The following DNAH11 variants were observed in gnomAD, a reference collection of about 807,000 sequenced individuals.
The protein encoded by DNAH11 is axonemal beta dynein heavy chain 11.
A neutral mutation model predicts 526.0 loss-of-function variants in DNAH11; 442 were observed. The observed-to-expected ratio is 0.84, with a 90% CI of 0.78 to 0.91. DNAH11 has a LOEUF of 0.91. Ranked by LOEUF, DNAH11 falls within the 40% of genes least tolerant of loss-of-function variation. The pLI, the probability that DNAH11 is intolerant of heterozygous loss-of-function variation, is 0.00. For missense variants in DNAH11, 6,989 were observed against 5,448.7 expected (o/e 1.28, Z -8.90); for synonymous variants, 2,461 against 1,935.9 (o/e 1.27, Z -7.12).
In DNAH11 at chr7:21,742,029, C is replaced by G. The variant is rs774586962; in HGVS notation, c.8017C>G (p.Pro2673Ala). 3 of 1,613,940 alleles carry G rather than the reference C, an allele frequency of 1.9e-6. No individual in the cohort carries two copies. Among genetic ancestry groups the G allele is most frequent in the Non-Finnish European group, 2.5e-6 (3 of 1,179,874 alleles). ...SFHFQQQAFA[P>A]SILRSGPTLI... is the part of the protein sequence containing the mutation. The stretch of plus-strand genomic sequence containing the variant: ...CCATTTCCAACAGCAAGCATTTGCT[C>G]CATCAATTCTCAGGAGTGGCCCCAC... Residue 2673 changes from proline (P) to alanine (A), a missense_variant, in exon 49 of 82, where the codon CCA becomes GCA. Coordinates refer to ENST00000409508, the MANE Select transcript of DNAH11 (RefSeq NM_001277115.2).
intron 35 of DNAH11, among the ~76,000 whole-genome samples, chr7:21,696,341 T>C (rs1197501821): frequency 6.6e-6 from 1 of 152,212 alleles, no homozygotes; most frequent in African/African-American, 2.4e-5. Context: ...GTTGGTAATA[T>C]GAAATGAGTG....
chr7:21,620,082 A>G lies in DNAH11; in HGVS notation c.4500+4A>G. 6.4e-7 allele frequency: 1 copy of G among 1,572,182 alleles called. No individual in the cohort carries two copies. Among genetic ancestry groups the G allele is most frequent in the Non-Finnish European group, 8.6e-7 (1 of 1,163,282 alleles). ...TGAAACTCTAGAGCACAACCAAGTAAGATGGATATTTTTATTGCATATATT... is the reference window on the plus strand; with the variant it reads ...TGAAACTCTAGAGCACAACCAAGTAGGATGGATATTTTTATTGCATATATT... On this transcript the variant is annotated splice_donor_region_variant and intron_variant, in intron 25 of 81. Coordinates refer to ENST00000409508, the MANE Select transcript of DNAH11 (RefSeq NM_001277115.2).
intron 30 of DNAH11, among the ~76,000 whole-genome samples, chr7:21,669,915 T>C (rs1782577979): frequency 6.6e-6 from 1 of 152,156 alleles, no homozygotes. Context: ...GCCAAATCCA[T>C]CTTTCTTAAT....
At chr7:21,714,581 T>C (rs1020934572) in intron 42 of DNAH11, among the ~76,000 whole-genome samples, 1 of 152,168 alleles carries the variant, frequency 6.6e-6, no homozygotes, top group African/African-American at 2.4e-5. Flanking sequence ...GAGATAGACA[T>C]AATTATTAAC....
chr7:21,654,087 T>C (rs1277120773), intron 28 of DNAH11, among the ~76,000 whole-genome samples: 5 of 152,184 alleles, frequency 3.3e-5, no homozygotes, highest in Non-Finnish European at 7.3e-5. Context: ...TTTATTTTTT[T>C]CTGTTGAGGT....
intron 65 of DNAH11, among the ~76,000 whole-genome samples, chr7:21,839,912 G>C (rs140149809): frequency 1.2e-3 from 182 of 152,158 alleles, no homozygotes; most frequent in Non-Finnish European, 2.3e-3. Flanking sequence ...CAGTCCTTTG[G>C]GATTTTAAAT....
chr7:21,833,483 A>G (rs917197295), intron 65 of DNAH11, among the ~76,000 whole-genome samples: 3 of 152,142 alleles, frequency 2.0e-5, no homozygotes, highest in Non-Finnish European at 4.4e-5. Flanking sequence ...ACCTGAGGTC[A>G]GGAGTTCAAG....
At chr7:21,588,298 A>G (rs1018559750) in intron 10 of DNAH11, 97 bp downstream of exon 10, 29 of 1,432,418 alleles carry the variant, frequency 2.0e-5, no homozygotes, top group African/African-American at 5.7e-5. Context: ...AAGATTAGAT[A>G]TAGGCACTAC....
intron 68 of DNAH11, 26 bp downstream of exon 68, chr7:21,854,481 TG>T (rs1782758539): frequency 6.2e-7 from 1 of 1,605,740 alleles, no homozygotes; most frequent in Admixed American, 1.7e-5. Context: ...CTAAGAAATA[TG>T]GGAAACTTTA....
chr7:21,566,801 G>C (rs1294008542), intron 6 of DNAH11, among the ~76,000 whole-genome samples: 1 of 152,012 alleles, frequency 6.6e-6, no homozygotes, highest in African/African-American at 2.4e-5. Flanking sequence ...CATTGGAAAT[G>C]GTTCTGGAGT....
intron 25 of DNAH11, among the ~76,000 whole-genome samples, chr7:21,633,494 T>C (rs1041162853): frequency 6.6e-6 from 1 of 152,222 alleles, no homozygotes. Flanking sequence ...TTCTCTGATG[T>C]TGGGTTCATA....
chr7:21,661,191 A>G (rs1003227794), intron 30 of DNAH11, among the ~76,000 whole-genome samples: 3 of 152,096 alleles, frequency 2.0e-5, no homozygotes, highest in African/African-American at 7.2e-5. Context: ...AAAATTATCC[A>G]TTAATTATGG....
At chr7:21,861,425 A>G (rs1783059993) in intron 68 of DNAH11, among the ~76,000 whole-genome samples, 1 of 152,258 alleles carries the variant, frequency 6.6e-6, no homozygotes. Flanking sequence ...GGTATAATTT[A>G]TGTTCATGAG....
At chr7:21,598,040 C>T (rs1402752775) in intron 14 of DNAH11, among the ~76,000 whole-genome samples, 1 of 152,130 alleles carries the variant, frequency 6.6e-6, no homozygotes, top group Non-Finnish European at 1.5e-5. Flanking sequence ...TCTCTCATCT[C>T]TCCCCTGCCT....
In DNAH11 at chr7:21,754,991, A is replaced by G. The variant is rs1387430147; in HGVS notation, c.8940+4627A>G. 4.6e-5 allele frequency among the ~76,000 whole-genome samples: 7 copies of G among 152,334 alleles called. No homozygotes were observed. The East Asian group carries it at 1.4e-3, about 29-fold the overall frequency. Reference sequence around the variant, plus strand: ...GACTCAGAATTTCTGATGAGCTGATATCTCCTTTGCATAAGTTCCAAACCA... The same window carrying G: ...GACTCAGAATTTCTGATGAGCTGATGTCTCCTTTGCATAAGTTCCAAACCA... On this transcript the variant is annotated intron_variant, in intron 54 of 81. Coordinates refer to ENST00000409508, the MANE Select transcript of DNAH11 (RefSeq NM_001277115.2).
chr7:21,773,808 C>G lies in DNAH11; in HGVS notation c.9145C>G (p.His3049Asp). 1 of 1,607,138 alleles carries G rather than the reference C, an allele frequency of 6.2e-7. No individual in the cohort carries two copies. ...TATTAGCCTTTTCATGGCACATGTT[C>G]ACACCACTGTAAATGAAATGAGTAC... is the stretch of plus-strand genomic sequence containing the variant. Reference protein sequence around the residue: ...DSISLFMAHVHTTVNEMSTRY... With the variant: ...DSISLFMAHVDTTVNEMSTRY... Residue 3049 changes from histidine to aspartate, a missense_variant, in exon 56 of 82, where the codon CAC (histidine) becomes GAC (aspartate). Transcript: ENST00000409508.
intron 32 of DNAH11, among the ~76,000 whole-genome samples, 161 bp from the exon 33 acceptor site, chr7:21,686,938 T>C (rs1783399329): frequency 6.6e-6 from 1 of 152,250 alleles, no homozygotes; most frequent in Non-Finnish European, 1.5e-5. Context: ...ATAGAAAATA[T>C]TCTGATTCAT....
Position 21,638,691 on chromosome 7 carries a change from GGTGTGTGTGTGTGT to G in DNAH11, c.4818-219_4818-206del, listed in dbSNP as rs56257528. Among the ~76,000 whole-genome samples the G allele has an allele frequency of 3.5e-3, 509 of 144,208 alleles. 3 individuals carry two copies. The highest frequency in any genetic ancestry group is 0.011 in the African/African-American group (449 of 39,102). The allele number at this position is 144,208 out of a possible 152,430, so 94.6% of individuals were successfully genotyped here. On this transcript the variant is annotated intron_variant, in intron 27 of 81. Transcript: ENST00000409508. ...ATTCATATTTAGCCACAGCTAATGG[GGTGTGTGTGTGTGT>G]GTGTGTGTGTGTGTGTGTGTGTGTG...
intron 55 of DNAH11, among the ~76,000 whole-genome samples, chr7:21,771,806 C>T (rs1010462288): frequency 3.9e-5 from 6 of 152,060 alleles, no homozygotes; most frequent in Non-Finnish European, 8.8e-5. Flanking sequence ...CTCGCTGCGG[C>T]AGCACCAGCA....
Sources: allele counts gnomAD v4.1 joint callset (sites outside exome capture counted in the v4.1 genomes callset), GRCh38; gene constraint gnomAD v4.1.1; transcripts MANE v1.5; gene names NCBI Gene and HGNC (gene_info 2026-07-23, HGNC 2026-07-21).